Variants in PIP5K1B observed in about 807,000 individuals in gnomAD.
PIP5K1B encodes the protein phosphatidylinositol-4-phosphate 5-kinase type 1 beta, also known as phosphatidylinositol 4-phosphate 5-kinase type-1 beta.
A neutral mutation model predicts 67.0 loss-of-function variants in PIP5K1B; 42 were observed. The observed-to-expected ratio is 0.63, with a 90% confidence interval of 0.49 to 0.81. The LOEUF (loss-of-function observed/expected upper bound fraction) is 0.81. Among genes scored for constraint, PIP5K1B ranks in the 30% least tolerant of loss-of-function variants. The pLI, the probability that PIP5K1B is intolerant of heterozygous loss-of-function variation, is 0.00. For missense variants in PIP5K1B, 459 were observed against 646.3 expected (o/e 0.71, Z 3.14); for synonymous variants, 214 against 231.4 (o/e 0.92, Z 0.68).
chr9:68,981,550 T>G (rs570745418), intron 14 of PIP5K1B, among the ~76,000 whole-genome samples: 3 of 152,342 alleles, frequency 2.0e-5, no homozygotes, highest in Admixed American at 2.0e-4. Flanking sequence ...TTATGATGTT[T>G]ATTACTTCGA....
chr9:68,979,348 T>TA (rs1401285580), intron 14 of PIP5K1B, among the ~76,000 whole-genome samples: 3 of 152,242 alleles, frequency 2.0e-5, no homozygotes, highest in Non-Finnish European at 4.4e-5. Context: ...ACATGTGTAA[T>TA]ACAGTCATCA....
intron 8 of PIP5K1B, among the ~76,000 whole-genome samples, chr9:68,906,905 G>T (rs991025462): frequency 2.0e-5 from 3 of 152,080 alleles, no homozygotes; most frequent in African/African-American, 7.2e-5. Context: ...TTCTGAATTG[G>T]CTATCCAACT....
intron 15 of PIP5K1B, among the ~76,000 whole-genome samples, chr9:69,005,683 C>T (rs1417906282): frequency 6.6e-6 from 1 of 151,990 alleles, no homozygotes; most frequent in Non-Finnish European, 1.5e-5. Context: ...CCGGACTTTA[C>T]AGACAATTTT....
chr9:68,988,704 G>A (rs1830215306), intron 14 of PIP5K1B, among the ~76,000 whole-genome samples: 1 of 151,986 alleles, frequency 6.6e-6, no homozygotes, highest in Non-Finnish European at 1.5e-5. Context: ...GCCCGCCTTG[G>A]CCTCCCAAAG....
chr9:68,714,127 A>T (rs576763170), intron 1 of PIP5K1B, among the ~76,000 whole-genome samples: 122 of 152,386 alleles, frequency 8.0e-4, no homozygotes, highest in African/African-American at 2.8e-3. Context: ...TATATCTCCA[A>T]ACTAAGTCTT....
At chr9:68,875,512 C>A (rs1823847532) in intron 5 of PIP5K1B, among the ~76,000 whole-genome samples, 1 of 152,056 alleles carries the variant, frequency 6.6e-6, no homozygotes, top group South Asian at 2.1e-4. Context: ...AAGACTCATT[C>A]CTTCACTCAA....
In PIP5K1B at chr9:68,791,003, A is replaced by C. The variant is rs1015681388; in HGVS notation, c.-85-27458A>C. Among the ~76,000 whole-genome samples, 5 of 152,326 alleles carry C rather than the reference A, an allele frequency of 3.3e-5. No homozygotes were observed. The East Asian group carries it at 5.8e-4, about 18-fold the overall frequency. The stretch of plus-strand genomic sequence containing the variant: ...CATGACTGAAAGTAGAGAACAGAGA[A>C]CCTATTGCTTTTGTTTACCCGCAGA... On this transcript the variant is annotated intron_variant, in intron 2 of 15. Coordinates refer to ENST00000265382, the MANE Select transcript of PIP5K1B (RefSeq NM_003558.4).
At chr9:68,912,056 C>G (rs770599421) in intron 8 of PIP5K1B, among the ~76,000 whole-genome samples, 1 of 152,206 alleles carries the variant, frequency 6.6e-6, no homozygotes. Context: ...ACTTCTCCCT[C>G]GAGCTCCCCA....
At chr9:68,887,979 CT>C (rs71353088) in intron 6 of PIP5K1B, among the ~76,000 whole-genome samples, 67,336 of 106,928 alleles carry the variant, frequency 0.63, 20,085 homozygotes, top group Admixed American at 0.71. Context: ...GGAATCCAGC[CT>C]TTTTTTTTTT....
At chr9:68,854,226 G>T (rs539131177) in intron 4 of PIP5K1B, among the ~76,000 whole-genome samples, 1 of 150,812 alleles carries the variant, frequency 6.6e-6, no homozygotes, top group South Asian at 2.1e-4. Flanking sequence ...TACCTCCTAG[G>T]CTCAAGCAAT....
At chr9:68,907,315 G>A (rs945503122) in intron 8 of PIP5K1B, among the ~76,000 whole-genome samples, 5 of 152,234 alleles carry the variant, frequency 3.3e-5, no homozygotes, top group Admixed American at 1.3e-4. Context: ...CCATACTCAC[G>A]CATTCCAGCT....
intron 4 of PIP5K1B, among the ~76,000 whole-genome samples, chr9:68,852,371 G>T (rs1822537413): frequency 6.6e-6 from 1 of 151,858 alleles, no homozygotes. Context: ...CCATAAAAAG[G>T]TAAGAGAATG....
intron 2 of PIP5K1B, among the ~76,000 whole-genome samples, chr9:68,801,095 G>T (rs1051844447): frequency 4.6e-5 from 7 of 152,154 alleles, no homozygotes; most frequent in Non-Finnish European, 7.3e-5. Flanking sequence ...TTAACCCATT[G>T]CTCTGTTCCC....
At chr9:68,710,315 G>A (rs1413732294) in intron 1 of PIP5K1B, among the ~76,000 whole-genome samples, 1 of 152,120 alleles carries the variant, frequency 6.6e-6, no homozygotes, top group African/African-American at 2.4e-5. Context: ...AGCAGGATGT[G>A]TTACTTTTTG....
intron 8 of PIP5K1B, among the ~76,000 whole-genome samples, chr9:68,911,855 C>G (rs2132487773): frequency 6.6e-6 from 1 of 152,212 alleles, no homozygotes; most frequent in African/African-American, 2.4e-5. Flanking sequence ...TGCCTCCAGC[C>G]TGGGTGATGG....
intron 14 of PIP5K1B, among the ~76,000 whole-genome samples, chr9:68,964,360 A>G (rs1828910538): frequency 6.6e-6 from 1 of 152,242 alleles, no homozygotes. Context: ...TAAAGAGCTA[A>G]TATTTATTCA....
intron 2 of PIP5K1B, among the ~76,000 whole-genome samples, chr9:68,816,589 CA>C (rs1387104400): frequency 6.6e-6 from 1 of 152,186 alleles, no homozygotes; most frequent in Non-Finnish European, 1.5e-5. Flanking sequence ...TAGGAATCCA[CA>C]AGTCAATGTT....
At chr9:68,880,243 C>A (rs1483536714) in intron 6 of PIP5K1B, among the ~76,000 whole-genome samples, 1 of 152,066 alleles carries the variant, frequency 6.6e-6, no homozygotes, top group Non-Finnish European at 1.5e-5. Flanking sequence ...CTTTTATGTA[C>A]GTAAATATAA....
At position 68,894,573 on chromosome 9, in the gene PIP5K1B, G is replaced by A. The variant is rs746948673; in HGVS notation, c.706G>A (p.Glu236Lys). ...CTTAGATTTCCTGCAAGACATGCAC[G>A]AAGGGTTGTATTTTGATACGGAAAC... ...KDLDFLQDMHEGLYFDTETYN... is the reference protein window; with the variant it reads ...KDLDFLQDMHKGLYFDTETYN... The change falls in exon 8 of 16, where the codon GAA becomes AAA. Residue 236 changes from glutamate to lysine, a missense_variant. Around this residue, in one of 2 missense-constraint regions of PIP5K1B, gnomAD observed 290 missense variants for 474.4 expected, o/e 0.61. Coordinates refer to ENST00000265382, the MANE Select transcript of PIP5K1B (RefSeq NM_003558.4). 2.4e-5 allele frequency: 38 copies of A among 1,614,042 alleles called. No individual in the cohort carries two copies. The highest frequency in any genetic ancestry group is 1.2e-4 in the African/African-American group (9 of 74,938).
Sources: gnomAD v4.1 joint callset for allele counts (sites outside exome capture counted in the v4.1 genomes callset) on GRCh38, gnomAD v4.1.1 for gene constraint, gnomAD v4.1.1 regional missense constraint, MANE v1.5 for transcripts, NCBI Gene and HGNC (gene_info 2026-07-23, HGNC 2026-07-21) for gene names.